Variants in CACNA1E observed in about 807,000 individuals in gnomAD.
The protein encoded by CACNA1E is voltage-dependent R-type calcium channel subunit alpha-1E.
Under a neutral mutation model 259.2 loss-of-function variants are expected in CACNA1E, and 40 were observed. The observed-to-expected ratio is 0.15, with a 90% CI of 0.12 to 0.20. CACNA1E has a LOEUF of 0.20. CACNA1E is among the 10% of genes least tolerant of loss of function. The pLI is 1.00. For missense variants in CACNA1E, 1,874 were observed against 3,040.1 expected (o/e 0.62, Z 9.02); for synonymous variants, 1,104 against 1,138.5 (o/e 0.97, Z 0.61).
chr1:181,462,589 T>C (rs546011467), intron 2 of CACNA1E, among the ~76,000 whole-genome samples: 31 of 152,312 alleles, frequency 2.0e-4, no homozygotes, highest in Admixed American at 1.8e-3. Flanking sequence ...ATAAATACAA[T>C]GTTACAGATG....
intron 1 of CACNA1E, among the ~76,000 whole-genome samples, chr1:181,367,722 T>C (rs981365857): frequency 1.3e-5 from 2 of 151,526 alleles, no homozygotes; most frequent in Non-Finnish European, 2.9e-5. Context: ...TACTTAAAAA[T>C]GTTTCATAAG....
At position 181,342,252 on chromosome 1, in the gene CACNA1E, A is replaced by G. The variant is rs145854583; in HGVS notation, c.-15+24129A>G. On this transcript the variant is annotated intron_variant, in intron 1 of 11. Coordinates refer to the CACNA1E transcript ENST00000524607. ...TGGGCAAGGGGACAAGGGGAAGAAG[A>G]GGAGGTCAGAGGAGGAAGCATAGCC... Among the ~76,000 whole-genome samples, 488 of 152,302 alleles carry G rather than the reference A, an allele frequency of 3.2e-3. 3 individuals carry two copies. The highest frequency in any genetic ancestry group is 6.8e-3 in the Middle Eastern group (2 of 294).
intron 26 of CACNA1E, 132 bp downstream of exon 26, chr1:181,750,619 T>A: frequency 1.2e-6 from 1 of 810,658 alleles, no homozygotes; most frequent in Admixed American, 2.3e-5. Flanking sequence ...ATCCAAGGGA[T>A]CAAAATTAGG....
chr1:181,628,400 C>A (rs903211376), intron 6 of CACNA1E, among the ~76,000 whole-genome samples: 1 of 152,108 alleles, frequency 6.6e-6, no homozygotes, highest in Non-Finnish European at 1.5e-5. Context: ...GAGCTCATTG[C>A]CAGTGCCTTC....
At chr1:181,508,252 T>C (rs946921769) in intron 1 of CACNA1E, among the ~76,000 whole-genome samples, 1 of 152,068 alleles carries the variant, frequency 6.6e-6, no homozygotes, top group African/African-American at 2.4e-5. Context: ...TGCTTAACTT[T>C]GCCCAACCCA....
chr1:181,577,512 T>A (rs1048773775), intron 3 of CACNA1E, among the ~76,000 whole-genome samples: 1 of 152,090 alleles, frequency 6.6e-6, no homozygotes, highest in African/African-American at 2.4e-5. Flanking sequence ...GGCCCTTGTG[T>A]TTTGCTTGGG....
At chr1:181,623,405 G>A (rs1655902695) in intron 6 of CACNA1E, among the ~76,000 whole-genome samples, 1 of 152,106 alleles carries the variant, frequency 6.6e-6, no homozygotes. Context: ...GTTCTCAAAT[G>A]TTTGCTGAAT....
At chr1:181,350,617 A>T (rs974467732) in intron 1 of CACNA1E, among the ~76,000 whole-genome samples, 1 of 152,130 alleles carries the variant, frequency 6.6e-6, no homozygotes, top group Non-Finnish European at 1.5e-5. Flanking sequence ...TGCTTGCACT[A>T]ACCTTGACCC....
chr1:181,383,090 C>T (rs1352799903), intron 1 of CACNA1E, among the ~76,000 whole-genome samples: 2 of 152,224 alleles, frequency 1.3e-5, no homozygotes, highest in African/African-American at 2.4e-5. Context: ...AATGTGTTCT[C>T]CTTAATGGGA....
intron 10 of CACNA1E, among the ~76,000 whole-genome samples, chr1:181,716,487 C>T (rs1280533171): frequency 4.6e-5 from 7 of 152,182 alleles, no homozygotes; most frequent in African/African-American, 1.7e-4. Flanking sequence ...GGACCTGTTG[C>T]TTCCAGGGAC....
At chr1:181,452,813 C>T (rs998392479) in intron 2 of CACNA1E, among the ~76,000 whole-genome samples, 2 of 152,234 alleles carry the variant, frequency 1.3e-5, no homozygotes, top group African/African-American at 4.8e-5. Context: ...CCTATTCCCT[C>T]TGGATCTTGT....
intron 8 of CACNA1E, among the ~76,000 whole-genome samples, chr1:181,713,765 A>G (rs890861268): frequency 1.3e-5 from 2 of 152,128 alleles, no homozygotes; most frequent in Admixed American, 6.5e-5. Context: ...GTTACTCCTC[A>G]TAGGGCATGC....
Position 181,511,429 on chromosome 1 carries a change from T to A in CACNA1E, c.431T>A (p.Val144Glu). The change falls in exon 3 of 48, where the codon GTG becomes GAG. Residue 144 changes from valine to glutamate, a missense_variant. By Grantham distance (121) the Val-to-Glu change is moderately radical. Coordinates refer to ENST00000367573, the MANE Select transcript of CACNA1E (RefSeq NM_001205293.3). The part of the protein sequence containing the change: ...IFCFEAGIKI[V>E]ALGFIFHKGS... ...TGCTTTGAAGCTGGGATCAAAATTG[T>A]GGCCCTGGGGTTCATCTTCCATAAG... The A allele has an allele frequency of 6.2e-7, 1 of 1,614,022 alleles. No homozygotes were observed. Among genetic ancestry groups the A allele is most frequent in the Non-Finnish European group, 8.5e-7 (1 of 1,179,878 alleles).
intron 6 of CACNA1E, among the ~76,000 whole-genome samples, chr1:181,600,743 G>C (rs1243688734): frequency 6.6e-6 from 1 of 152,168 alleles, no homozygotes; most frequent in African/African-American, 2.4e-5. Context: ...ATGTCTATGA[G>C]ATAGCCCAGT....
intron 25 of CACNA1E, among the ~76,000 whole-genome samples, chr1:181,749,825 A>G (rs1388442716): frequency 1.3e-5 from 2 of 152,216 alleles, no homozygotes; most frequent in Non-Finnish European, 2.9e-5. Context: ...CGGTCATTTA[A>G]TTTATCAAAA....
At chr1:181,771,198 G>A in intron 35 of CACNA1E, 95 bp from the exon 36 acceptor site, 2 of 678,270 alleles carry the variant, frequency 2.9e-6, no homozygotes, top group Non-Finnish European at 2.7e-6. Context: ...AGGTCATCGG[G>A]AAGAGCCATG....
At position 181,772,159 on chromosome 1, in the gene CACNA1E, C is replaced by T. The variant is rs377382446; in HGVS notation, c.5067C>T (p.Asn1689=). The stretch of plus-strand genomic sequence containing the variant: ...ACACCACCGCACCATCAGGGCAGAA[C>T]GAGAACGAACGCTGCGGCACCGATC... The part of the protein sequence containing the change: ...EPDTTAPSGQ[N]ENERCGTDLA... Residue 1689 remains asparagine (N), a synonymous_variant, in exon 37 of 48, where the codon AAC becomes AAT. Coordinates refer to ENST00000367573, the MANE Select transcript of CACNA1E (RefSeq NM_001205293.3). 3.5e-5 allele frequency: 56 copies of T among 1,613,804 alleles called. 1 individual carries two copies. The highest frequency in any genetic ancestry group is 8.0e-5 in the African/African-American group (6 of 74,902).
chr1:181,578,556 C>T (rs547790483), intron 4 of CACNA1E, among the ~76,000 whole-genome samples: 55 of 152,304 alleles, frequency 3.6e-4, no homozygotes, highest in African/African-American at 1.2e-3. Flanking sequence ...GACAGACCGA[C>T]ACTCTGTCTC....
chr1:181,716,967 C>T, intron 10 of CACNA1E, 126 bp from the exon 11 acceptor site: 1 of 729,426 alleles, frequency 1.4e-6, no homozygotes, highest in Non-Finnish European at 2.4e-6. Context: ...TGGGGATTCC[C>T]CACACCTGCA....
Sources: gnomAD v4.1 joint callset for allele counts (sites outside exome capture counted in the v4.1 genomes callset) on GRCh38, gnomAD v4.1.1 for gene constraint, MANE v1.5 for transcripts, NCBI Gene and HGNC (gene_info 2026-07-23, HGNC 2026-07-21) for gene names.